ST6GALNAC3: variants seen among roughly 807,000 people sequenced by gnomAD.
The protein encoded by ST6GALNAC3 is ST6 N-acetylgalactosaminide alpha-2,6-sialyltransferase 3, also known as alpha-N-acetylgalactosaminide alpha-2,6-sialyltransferase 3.
ST6GALNAC3 carries 25 observed loss-of-function variants against 32.7 expected under a neutral mutation model. The observed-to-expected ratio is 0.76, with a 90% CI of 0.56 to 1.07. The LOEUF is 1.07. ST6GALNAC3 is among the 50% of genes least tolerant of loss of function. The pLI, the probability that ST6GALNAC3 is intolerant of heterozygous loss-of-function variation, is 0.00. For missense variants in ST6GALNAC3, 355 were observed against 382.4 expected (o/e 0.93, Z 0.60); for synonymous variants, 129 against 133.1 (o/e 0.97, Z 0.21).
At chr1:76,244,381 T>C (rs1396760895) in intron 1 of ST6GALNAC3, among the ~76,000 whole-genome samples, 1 of 152,216 alleles carries the variant, frequency 6.6e-6, no homozygotes, top group African/African-American at 2.4e-5. Flanking sequence ...TATACAATCA[T>C]GTCATCTGCA....
At chr1:76,094,816 A>G (rs984673392) in intron 1 of ST6GALNAC3, among the ~76,000 whole-genome samples, 1 of 152,102 alleles carries the variant, frequency 6.6e-6, no homozygotes, top group South Asian at 2.1e-4. Context: ...GGTGCAATCA[A>G]TTCTTGCTTT....
In ST6GALNAC3 at chr1:76,593,374, G is replaced by A. The variant is rs183933725; in HGVS notation, c.624-34078G>A. ...AATTTTTAATCTGGTATCCTTAATA[G>A]CAACAAGGTTATTAGCACCTACCTA... On this transcript the variant is annotated intron_variant, in intron 3 of 4. Coordinates refer to ENST00000328299, the MANE Select transcript of ST6GALNAC3 (RefSeq NM_152996.4). 4.5e-4 allele frequency among the ~76,000 whole-genome samples: 68 copies of A among 152,194 alleles called. No homozygotes were observed. The Middle Eastern group carries it at 0.01, about 23-fold the overall frequency.
At chr1:76,081,992 A>G (rs1434022363) in intron 1 of ST6GALNAC3, among the ~76,000 whole-genome samples, 1 of 152,148 alleles carries the variant, frequency 6.6e-6, no homozygotes, top group African/African-American at 2.4e-5. Flanking sequence ...ATTAGTACTG[A>G]TAATAGCTGG....
intron 3 of ST6GALNAC3, among the ~76,000 whole-genome samples, chr1:76,545,951 A>C (rs1664273906): frequency 6.6e-6 from 1 of 152,114 alleles, no homozygotes; most frequent in Admixed American, 6.5e-5. Flanking sequence ...GAGCCACCGC[A>C]CTTGGCAGAA....
intron 1 of ST6GALNAC3, among the ~76,000 whole-genome samples, chr1:76,142,387 C>T (rs7548049): frequency 0.32 from 48,159 of 152,096 alleles, 8,864 homozygotes; most frequent in East Asian, 0.79. Flanking sequence ...ACCCATTCTT[C>T]TCTTGTCTTC....
At chr1:76,174,936 G>A (rs1031380306) in intron 1 of ST6GALNAC3, among the ~76,000 whole-genome samples, 2 of 152,052 alleles carry the variant, frequency 1.3e-5, no homozygotes, top group Admixed American at 6.5e-5. Context: ...CCAAAGTGCT[G>A]GGATTACAGG....
chr1:76,369,617 G>C (rs2101075578), intron 2 of ST6GALNAC3, among the ~76,000 whole-genome samples: 1 of 152,224 alleles, frequency 6.6e-6, no homozygotes, highest in African/African-American at 2.4e-5. Context: ...TGCTGCTGGT[G>C]CTGTGATAGC....
intron 1 of ST6GALNAC3, among the ~76,000 whole-genome samples, chr1:76,255,357 A>G (rs1349301103): frequency 6.6e-6 from 1 of 152,114 alleles, no homozygotes; most frequent in Non-Finnish European, 1.5e-5. Flanking sequence ...AGCAATGCAC[A>G]CTGAGGTCAT....
Position 76,387,570 on chromosome 1 carries a change from T to C in ST6GALNAC3, c.214-24438T>C, listed in dbSNP as rs555276581. Among the ~76,000 whole-genome samples the C allele has an allele frequency of 5.9e-5, 9 of 152,280 alleles. No individual in the cohort carries two copies. In the South Asian group the frequency reaches 1.9e-3, roughly 32 times the overall value. ...ATTTCCTAGCTCCTCAGTAGAGTTT[T>C]CTGCCTCTCCCTTGGCCCAAGTATT... On this transcript the variant is annotated intron_variant, in intron 2 of 4. Transcript: ENST00000328299.
chr1:76,628,291 T>G (rs529463690), intron 4 of ST6GALNAC3, among the ~76,000 whole-genome samples: 4 of 152,116 alleles, frequency 2.6e-5, no homozygotes, highest in African/African-American at 9.6e-5. Flanking sequence ...AATATCTTAC[T>G]GTGAAAAATC....
rs1484835329 is a variant in ST6GALNAC3, at chr1:76,138,931, A to G, written c.18+64047A>G. On this transcript the variant is annotated intron_variant, in intron 1 of 4. Coordinates refer to ENST00000328299, the MANE Select transcript of ST6GALNAC3 (RefSeq NM_152996.4). ...ATGCACTGGCCGGGCGCAGTGGCTC[A>G]CACCTGTAATCCCAGCACTTTGGGA... Among the ~76,000 whole-genome samples, 4 of 152,174 alleles carry G rather than the reference A, an allele frequency of 2.6e-5. No homozygotes were observed. The East Asian group carries it at 7.7e-4, about 29-fold the overall frequency.
intron 3 of ST6GALNAC3, among the ~76,000 whole-genome samples, chr1:76,580,334 T>A (rs1463886027): frequency 6.6e-6 from 1 of 152,100 alleles, no homozygotes; most frequent in African/African-American, 2.4e-5. Context: ...ATCCCAGGGA[T>A]TTTGGAAATT....
At position 76,279,802 on chromosome 1, in the gene ST6GALNAC3, G is replaced by T. The variant is rs748376804; in HGVS notation, c.19-34003G>T. Among the ~76,000 whole-genome samples, 78 of 152,170 alleles carry T rather than the reference G, an allele frequency of 5.1e-4. 1 individual carries two copies. The highest frequency in any genetic ancestry group is 1.9e-4 in the Non-Finnish European group (13 of 68,036). Reference sequence around the variant, plus strand: ...TGGAGTCTCCTCAGAATTCACAAAAGAAATATGAAGAATTAGGAAGAAAGT... The same window carrying T: ...TGGAGTCTCCTCAGAATTCACAAAATAAATATGAAGAATTAGGAAGAAAGT... On this transcript the variant is annotated intron_variant, in intron 1 of 4. Transcript: ENST00000328299.
chr1:76,285,699 C>T (rs1174961180), intron 1 of ST6GALNAC3, among the ~76,000 whole-genome samples: 1 of 151,986 alleles, frequency 6.6e-6, no homozygotes, highest in Non-Finnish European at 1.5e-5. Context: ...GCAGCTCTGA[C>T]AGATTGAATG....
chr1:76,180,987 C>T lies in ST6GALNAC3; in HGVS notation c.18+106103C>T, dbSNP rs183269431. Among the ~76,000 whole-genome samples the T allele has an allele frequency of 3.0e-4, 45 of 152,334 alleles. 1 individual carries two copies. Among genetic ancestry groups the T allele is most frequent in the Admixed American group, 1.7e-3 (26 of 15,300 alleles). ...TGAGCCAGTTGACACTTAAGCCATG[C>T]GTGGATGGCAAGGCTAAAAGAACAC... On this transcript the variant is annotated intron_variant, in intron 1 of 4. Coordinates refer to ENST00000328299, the MANE Select transcript of ST6GALNAC3 (RefSeq NM_152996.4).
chr1:76,229,892 A>T (rs1656274902), intron 1 of ST6GALNAC3, among the ~76,000 whole-genome samples: 1 of 152,202 alleles, frequency 6.6e-6, no homozygotes, highest in Non-Finnish European at 1.5e-5. Context: ...AGGGAGGAGC[A>T]GAGGGGCCTC....
intron 3 of ST6GALNAC3, among the ~76,000 whole-genome samples, chr1:76,482,790 TATGTATAC>T (rs949161868): frequency 6.6e-6 from 1 of 152,072 alleles, no homozygotes; most frequent in African/African-American, 2.4e-5. Flanking sequence ...GTTTGTTACA[TATGTATAC>T]ATGTGCCATG....
chr1:76,266,030 T>G (rs1007293796), intron 1 of ST6GALNAC3, among the ~76,000 whole-genome samples: 2 of 152,212 alleles, frequency 1.3e-5, no homozygotes, highest in Non-Finnish European at 2.9e-5. Context: ...TTCATAAATT[T>G]CTGGGTTATG....
rs140799723 is a variant in ST6GALNAC3 at position 76,628,849 on chromosome 1, C to T, written c.*43C>T. On this transcript the variant is annotated 3_prime_UTR_variant, in exon 5 of 5. Transcript: ENST00000328299. The stretch of plus-strand genomic sequence containing the variant: ...TTGCCGCATCACTTAATGTGATCCC[C>T]ATACTGCAACTGTGATGCTGATGAT... The T allele has an allele frequency of 1.5e-4, 245 of 1,597,876 alleles. 3 individuals are homozygous for T. In the East Asian group the frequency reaches 5.5e-3, roughly 36 times the overall value.
Sources: allele counts gnomAD v4.1 joint callset (sites outside exome capture counted in the v4.1 genomes callset), GRCh38; gene constraint gnomAD v4.1.1; transcripts MANE v1.5; gene names NCBI Gene and HGNC (gene_info 2026-07-23, HGNC 2026-07-21).